SLC25A43: variants seen among roughly 807,000 people sequenced by gnomAD.
SLC25A43 encodes the protein solute carrier family 25 member 43, also known as solute carrier family 25, member 43.
In SLC25A43, 10 loss-of-function variants were observed where a neutral mutation model predicts 22.8. The observed-to-expected ratio is 0.44, with a 90% CI of 0.27 to 0.74. SLC25A43 has a LOEUF of 0.74. Among genes scored for constraint, SLC25A43 ranks in the 30% least tolerant of loss-of-function variants. SLC25A43 has a pLI of 0.17. For synonymous variants in SLC25A43, 106 were observed against 121.6 expected (o/e 0.87, Z 0.84); for missense variants, 233 against 279.1 (o/e 0.83, Z 1.18).
intron 3 of SLC25A43, among the ~76,000 whole-genome samples, chrX:119,429,803 G>T (rs186524616): frequency 1.4e-3 from 154 of 111,969 alleles, no homozygotes; most frequent in African/African-American, 4.8e-3. Flanking sequence ...CTGGGGAAAT[G>T]ATGTTTATTC....
intron 3 of SLC25A43, among the ~76,000 whole-genome samples, chrX:119,435,595 A>C (rs1358062349): frequency 1.9e-5 from 1 of 51,706 alleles, no homozygotes; most frequent in Non-Finnish European, 3.4e-5. Context: ...CATTAGGTAT[A>C]TCTCCCAATG....
chrX:119,432,988 A>T (rs910158537), intron 3 of SLC25A43, among the ~76,000 whole-genome samples: 4 of 109,453 alleles, frequency 3.7e-5, no homozygotes, highest in African/African-American at 1.0e-4. Flanking sequence ...AATCCCAGCT[A>T]CTCGGGAGGC....
chrX:119,431,516 G>GAAAA (rs11411959), intron 3 of SLC25A43, among the ~76,000 whole-genome samples: 1 of 89,054 alleles, frequency 1.1e-5, no homozygotes, highest in Non-Finnish European at 2.2e-5. Flanking sequence ...GTCTCCAACA[G>GAAAA]AAAAAAAAAA....
intron 3 of SLC25A43, among the ~76,000 whole-genome samples, chrX:119,417,122 G>A (rs2052408623): frequency 9.0e-6 from 1 of 110,612 alleles, no homozygotes; most frequent in Non-Finnish European, 1.9e-5. Flanking sequence ...GCTAGTCCGT[G>A]AAAAAGGGTT....
chrX:119,450,702 A>G (rs997344295), intron 3 of SLC25A43, among the ~76,000 whole-genome samples: 1 of 111,019 alleles, frequency 9.0e-6, no homozygotes, highest in Non-Finnish European at 1.9e-5. Flanking sequence ...AGCCCCAACT[A>G]AACATTTCAG....
At chrX:119,425,420 G>A (rs1466767762) in intron 3 of SLC25A43, among the ~76,000 whole-genome samples, 2 of 111,598 alleles carry the variant, frequency 1.8e-5, no homozygotes, top group Non-Finnish European at 3.8e-5. Flanking sequence ...CTCTTAGTAG[G>A]AACAGAGTTC....
chrX:119,443,448 CTTTTTT>C (rs370848437), intron 3 of SLC25A43, among the ~76,000 whole-genome samples: 1 of 72,595 alleles, frequency 1.4e-5, no homozygotes, highest in Non-Finnish European at 2.5e-5. Flanking sequence ...CTCTCTCTCT[CTTTTTT>C]TTTTTTTTTT....
At chrX:119,450,593 C>T (rs2052698606) in intron 3 of SLC25A43, among the ~76,000 whole-genome samples, 1 of 111,943 alleles carries the variant, frequency 8.9e-6, no homozygotes, top group African/African-American at 3.2e-5. Flanking sequence ...GGACTAGAAA[C>T]GAACCTGCTC....
chrX:119,414,811 G>A (rs1444471458), intron 3 of SLC25A43, among the ~76,000 whole-genome samples: 1 of 108,012 alleles, frequency 9.3e-6, no homozygotes, highest in South Asian at 4.0e-4. Context: ...GCAGTGGTGC[G>A]ATCTCAGCTC....
chrX:119,420,589 T>C (rs897875554), intron 3 of SLC25A43, among the ~76,000 whole-genome samples: 4 of 111,760 alleles, frequency 3.6e-5, no homozygotes, highest in African/African-American at 1.3e-4. Flanking sequence ...ATTACAGGCA[T>C]GAGCCACTGT....
intron 3 of SLC25A43, among the ~76,000 whole-genome samples, chrX:119,447,048 G>T (rs754087678): frequency 9.0e-6 from 1 of 110,838 alleles, no homozygotes; most frequent in East Asian, 2.8e-4. Flanking sequence ...CCACCTCCCG[G>T]GTTCAAGTGA....
intron 3 of SLC25A43, among the ~76,000 whole-genome samples, chrX:119,431,027 G>C (rs1182339661): frequency 8.9e-6 from 1 of 112,137 alleles, no homozygotes; most frequent in Admixed American, 9.5e-5. Flanking sequence ...AGACAGTGGA[G>C]CTTAGTGGAG....
At chrX:119,410,085 A>G (rs1314037573) in intron 2 of SLC25A43, 105 bp from the exon 3 acceptor site, 2 of 922,728 alleles carry the variant, frequency 2.2e-6, no homozygotes, top group East Asian at 3.1e-5. Context: ...TAGCAACCCC[A>G]GAGCCCCTCC....
chrX:119,449,427 A>AAG (rs1556109103), intron 3 of SLC25A43, among the ~76,000 whole-genome samples: 23 of 107,220 alleles, frequency 2.1e-4, no homozygotes, highest in Middle Eastern at 4.7e-3. Context: ...AAAAAAAAAA[A>AAG]AAGAAGAAGA....
At chrX:119,415,492 C>T (rs1202135891) in intron 3 of SLC25A43, among the ~76,000 whole-genome samples, 11 of 107,340 alleles carry the variant, frequency 1.0e-4, no homozygotes, top group Non-Finnish European at 1.9e-4. Context: ...GTCAGGAGTT[C>T]GAGACCAGCC....
chrX:119,449,206 G>C (rs1246391088), intron 3 of SLC25A43, among the ~76,000 whole-genome samples: 3 of 109,246 alleles, frequency 2.7e-5, no homozygotes, highest in African/African-American at 1.0e-4. Context: ...CTGAGGTCAG[G>C]AGTTCAAGAC....
At chrX:119,434,395 T>A (rs1399117165) in intron 3 of SLC25A43, 5 of 107,385 alleles carry the variant, frequency 4.7e-5, no homozygotes, top group African/African-American at 1.0e-4. Flanking sequence ...GAGATACAGA[T>A]AGAAATTTGG....
chrX:119,431,947 A>G (rs1013773870), intron 3 of SLC25A43, among the ~76,000 whole-genome samples: 11 of 110,621 alleles, frequency 9.9e-5, no homozygotes, highest in Non-Finnish European at 1.9e-4. Flanking sequence ...TGAGGTTAGG[A>G]GTTCGAGACC....
intron 3 of SLC25A43, among the ~76,000 whole-genome samples, chrX:119,445,538 T>C (rs1010637892): frequency 1.8e-5 from 2 of 111,167 alleles, no homozygotes; most frequent in African/African-American, 6.5e-5. Context: ...TAAGTTGTAG[T>C]GTAAAGCCTT....
Sources: allele counts gnomAD v4.1 joint callset (sites outside exome capture counted in the v4.1 genomes callset), GRCh38; gene constraint gnomAD v4.1.1; transcripts MANE v1.5; gene names NCBI Gene and HGNC (gene_info 2026-07-23, HGNC 2026-07-21).